The following LINGO2 variants were observed in gnomAD, a reference collection of about 807,000 sequenced individuals.
LINGO2 encodes leucine rich repeat and Ig domain containing 2, also known as leucine-rich repeat and immunoglobulin-like domain-containing nogo receptor-interacting protein 2.
Under a neutral mutation model 30.6 loss-of-function variants are expected in LINGO2, and 14 were observed. The ratio of observed to expected loss-of-function variants is 0.46; its 90% CI spans 0.30 to 0.72. The LOEUF (loss-of-function observed/expected upper bound fraction) is 0.72. Among genes scored for constraint, LINGO2 ranks in the 30% least tolerant of loss-of-function variants. The pLI is 0.07. For synonymous variants in LINGO2, 317 were observed against 288.5 expected, an observed-to-expected ratio of 1.10 and a Z score of -1.00; for missense variants, 729 against 751.7, an observed-to-expected ratio of 0.97 and a Z score of 0.35.
the LINGO2 span, among the ~76,000 whole-genome samples, chr9:28,678,989 A>T: frequency 6.6e-6 from 1 of 152,108 alleles, no homozygotes; most frequent in Non-Finnish European, 1.5e-5. Flanking sequence ...TGGATCTTTG[A>T]TATGCACAAA....
intron 5 of LINGO2, among the ~76,000 whole-genome samples, chr9:27,999,295 T>C (rs1312002927): frequency 1.3e-5 from 2 of 151,946 alleles, no homozygotes; most frequent in African/African-American, 4.8e-5. Flanking sequence ...AAAATTATAA[T>C]GGAGGAATGC....
chr9:28,454,936 G>A lies in LINGO2; in HGVS notation c.-279+21004C>T, dbSNP rs185758966. Among the ~76,000 whole-genome samples the A allele has an allele frequency of 1.4e-4, 22 of 152,000 alleles. 1 individual carries two copies. The highest frequency in any genetic ancestry group is 1.3e-3 in the Admixed American group (20 of 15,206). On this transcript the variant is annotated intron_variant, in intron 2 of 5. Transcript: ENST00000379992. Reference sequence around the variant, plus strand: ...CTAGAACATAATGTGATACATTTTTGACACCTCTTAGCTTCTTTAGCTGAA... The same window carrying A: ...CTAGAACATAATGTGATACATTTTTAACACCTCTTAGCTTCTTTAGCTGAA...
chr9:28,563,021 A>T (rs1339807992), intron 1 of LINGO2, among the ~76,000 whole-genome samples: 1 of 151,860 alleles, frequency 6.6e-6, no homozygotes, highest in Non-Finnish European at 1.5e-5. Context: ...TAATTTTTGT[A>T]TTTTTAGTAG....
intron 1 of LINGO2, among the ~76,000 whole-genome samples, chr9:28,580,634 T>G (rs932885547): frequency 9.9e-5 from 15 of 152,068 alleles, no homozygotes; most frequent in Admixed American, 9.8e-4. Flanking sequence ...TTATACTGTC[T>G]GCTAAATGCA....
At chr9:29,031,120 G>C in the LINGO2 span, among the ~76,000 whole-genome samples, 2 of 152,258 alleles carry the variant, frequency 1.3e-5, no homozygotes, top group African/African-American at 2.4e-5. Flanking sequence ...CATTGACACT[G>C]TCTGGTAAGA....
upstream of LINGO2, among the ~76,000 whole-genome samples, chr9:28,673,187 G>T (rs1052086821): frequency 6.6e-6 from 1 of 151,998 alleles, no homozygotes; most frequent in Non-Finnish European, 1.5e-5. Flanking sequence ...ATGGATAAAA[G>T]AAATCAAAGC....
At chr9:29,138,534 T>G in the LINGO2 span, among the ~76,000 whole-genome samples, 1 of 152,318 alleles carries the variant, frequency 6.6e-6, no homozygotes, top group Middle Eastern at 3.4e-3. Flanking sequence ...TGTATTTATT[T>G]ATCAAATACT....
the LINGO2 span, among the ~76,000 whole-genome samples, chr9:28,722,157 T>C: frequency 6.6e-6 from 1 of 152,086 alleles, no homozygotes; most frequent in Non-Finnish European, 1.5e-5. Flanking sequence ...GACATAAACA[T>C]GTAAAAAGTA....
chr9:28,209,142 A>G (rs748953652), intron 4 of LINGO2, among the ~76,000 whole-genome samples: 1 of 151,930 alleles, frequency 6.6e-6, no homozygotes, highest in Non-Finnish European at 1.5e-5. Flanking sequence ...TTTCATCCCA[A>G]TTTTTCAAAG....
intron 4 of LINGO2, among the ~76,000 whole-genome samples, chr9:28,175,276 C>A (rs1360491263): frequency 1.3e-5 from 2 of 152,006 alleles, no homozygotes; most frequent in Non-Finnish European, 2.9e-5. Context: ...CTTTCTCAGG[C>A]AAATGCAGGT....
intron 1 of LINGO2, among the ~76,000 whole-genome samples, chr9:28,569,999 A>G (rs1227991669): frequency 6.6e-6 from 1 of 152,040 alleles, no homozygotes. Flanking sequence ...ACATTTTCAA[A>G]CAATAAAGAA....
chr9:28,707,759 CG>C, the LINGO2 span, among the ~76,000 whole-genome samples: 12 of 151,810 alleles, frequency 7.9e-5, no homozygotes, highest in African/African-American at 2.7e-4. Context: ...TATTTATTGT[CG>C]GGGTGGTGAA....
At chr9:28,725,411 T>C in the LINGO2 span, among the ~76,000 whole-genome samples, 102 of 151,938 alleles carry the variant, frequency 6.7e-4, no homozygotes, top group African/African-American at 2.4e-3. Context: ...CAGATAGGAT[T>C]GAAGGTATTC....
chr9:28,589,967 A>G (rs1028024183), intron 1 of LINGO2, among the ~76,000 whole-genome samples: 2 of 152,140 alleles, frequency 1.3e-5, no homozygotes, highest in Admixed American at 6.6e-5. Context: ...ATATAGACCA[A>G]TGGAACAGAA....
chr9:28,644,664 TC>T (rs1827755336), intron 1 of LINGO2, among the ~76,000 whole-genome samples: 1 of 151,968 alleles, frequency 6.6e-6, no homozygotes, highest in African/African-American at 2.4e-5. Context: ...GTTTAATTGT[TC>T]TTTTTAAATA....
At chr9:28,603,695 T>C (rs763602223) in intron 1 of LINGO2, among the ~76,000 whole-genome samples, 24 of 152,042 alleles carry the variant, frequency 1.6e-4, no homozygotes, top group Admixed American at 9.9e-4. Context: ...ATCACAAGAT[T>C]CATTTTATTA....
chr9:28,381,663 G>T (rs186710592), intron 2 of LINGO2, among the ~76,000 whole-genome samples: 6 of 152,010 alleles, frequency 3.9e-5, no homozygotes, highest in Admixed American at 1.3e-4. Context: ...CTATAATCTT[G>T]GATTTAAAAG....
chr9:28,209,746 T>C (rs537124602), intron 4 of LINGO2, among the ~76,000 whole-genome samples: 1 of 151,888 alleles, frequency 6.6e-6, no homozygotes, highest in East Asian at 1.9e-4. Context: ...TTCTAGAATA[T>C]ACCAGGAGTA....
the LINGO2 span, among the ~76,000 whole-genome samples, chr9:28,795,313 T>C: frequency 6.6e-6 from 1 of 152,218 alleles, no homozygotes; most frequent in African/African-American, 2.4e-5. Context: ...ATTCCTTCAG[T>C]CTAATCAGAC....
Sources: gnomAD v4.1 joint callset for allele counts (sites outside exome capture counted in the v4.1 genomes callset) on GRCh38, gnomAD v4.1.1 for gene constraint, MANE v1.5 for transcripts, NCBI Gene and HGNC (gene_info 2026-07-23, HGNC 2026-07-21) for gene names.